Variants in QSER1 observed in about 807,000 individuals in gnomAD.
The protein encoded by QSER1 is glutamine and serine-rich protein 1.
Under a neutral mutation model 158.5 loss-of-function variants are expected in QSER1, and 49 were observed. The observed-to-expected ratio is 0.31, with a 90% CI of 0.25 to 0.39. The LOEUF is 0.39. Ranked by LOEUF, QSER1 falls within the 10% of genes least tolerant of loss-of-function variation. QSER1 has a pLI of 1.00. For synonymous variants in QSER1, 650 were observed against 715.5 expected (o/e 0.91, Z 1.46); for missense variants, 1,754 against 2,010.3 (o/e 0.87, Z 2.44).
At chr11:32,964,733 T>TACACACACACACACACAC (rs1246383757) in intron 8 of QSER1, among the ~76,000 whole-genome samples, 17 of 115,258 alleles carry the variant, frequency 1.5e-4, no homozygotes, top group Non-Finnish European at 2.9e-4. Flanking sequence ...TATATATATA[T>TACACACACACACACACAC]ATATATACAC....
chr11:32,894,481 C>T (rs1455286904), intron 1 of QSER1, among the ~76,000 whole-genome samples: 1 of 152,176 alleles, frequency 6.6e-6, no homozygotes, highest in African/African-American at 2.4e-5. Flanking sequence ...CATCAGATTT[C>T]TTCATTATTT....
At chr11:32,915,857 T>C (rs1319284460) in intron 1 of QSER1, among the ~76,000 whole-genome samples, 1 of 152,128 alleles carries the variant, frequency 6.6e-6, no homozygotes, top group South Asian at 2.1e-4. Context: ...CACCTTCTTT[T>C]GGTAGTGTTG....
rs1852107289 is a variant in QSER1 at position 32,934,444 on chromosome 11, A to T, written c.3186A>T (p.Val1062=). ...GNQVTVNLSP[V]PALQSKMTLD... Reference sequence around the variant, plus strand: ...AGGTTACTGTGAACCTTTCACCAGTACCTGCCCTTCAGTCAAAAATGACTC... The same window carrying T: ...AGGTTACTGTGAACCTTTCACCAGTTCCTGCCCTTCAGTCAAAAATGACTC... The change falls in exon 4 of 13, where the codon GTA becomes GTT. Residue 1062 remains valine (V), a synonymous_variant. Coordinates refer to ENST00000650167, the MANE Select transcript of QSER1 (RefSeq NM_001076786.3). 17 of 1,613,718 alleles carry T rather than the reference A, an allele frequency of 1.1e-5. No homozygotes were observed. Among genetic ancestry groups the T allele is most frequent in the Non-Finnish European group, 1.4e-5 (16 of 1,180,006 alleles).
At chr11:32,915,234 A>AT (rs201906310) in intron 1 of QSER1, among the ~76,000 whole-genome samples, 11 of 152,024 alleles carry the variant, frequency 7.2e-5, no homozygotes, top group South Asian at 2.1e-4. Context: ...GAAAATTATA[A>AT]TTTTTTTTTA....
chr11:32,913,716 G>C (rs1851799451), intron 1 of QSER1, among the ~76,000 whole-genome samples: 1 of 152,294 alleles, frequency 6.6e-6, no homozygotes, highest in Middle Eastern at 3.4e-3. Flanking sequence ...GCTAGTTGCT[G>C]CTGACCGTAT....
At chr11:32,941,493 G>C (rs1425520929) in intron 4 of QSER1, among the ~76,000 whole-genome samples, 1 of 148,806 alleles carries the variant, frequency 6.7e-6, no homozygotes, top group African/African-American at 2.5e-5. Context: ...TTGGTTTTTT[G>C]TTCTTGCGAT....
intron 1 of QSER1, among the ~76,000 whole-genome samples, chr11:32,912,419 T>G (rs1851778125): frequency 6.6e-6 from 1 of 152,166 alleles, no homozygotes; most frequent in Admixed American, 6.5e-5. Flanking sequence ...CCTTCTCTCT[T>G]TAAGGTTTGT....
intron 1 of QSER1, among the ~76,000 whole-genome samples, chr11:32,920,540 A>G (rs1167907586): frequency 6.6e-6 from 1 of 152,246 alleles, no homozygotes; most frequent in Non-Finnish European, 1.5e-5. Flanking sequence ...AAAATAAAAA[A>G]TTTTTGTGCT....
At chr11:32,962,963 G>A (rs1307954709) in intron 8 of QSER1, among the ~76,000 whole-genome samples, 2 of 152,162 alleles carry the variant, frequency 1.3e-5, no homozygotes, top group Non-Finnish European at 2.9e-5. Flanking sequence ...TTGGGGGAAA[G>A]AATGGCTAGT....
chr11:32,943,311 C>A, intron 4 of QSER1, among the ~76,000 whole-genome samples: 1 of 147,218 alleles, frequency 6.8e-6, no homozygotes, highest in Non-Finnish European at 1.5e-5. Context: ...TGTCTTGTGC[C>A]AGTTTTCAAA....
chr11:32,909,902 A>T (rs1447634467), intron 1 of QSER1, among the ~76,000 whole-genome samples: 1 of 152,066 alleles, frequency 6.6e-6, no homozygotes, highest in East Asian at 1.9e-4. Flanking sequence ...AAACTAAGGG[A>T]AGTTGTGTAG....
At chr11:32,945,138 G>A (rs1259033911) in intron 4 of QSER1, among the ~76,000 whole-genome samples, 5 of 128,042 alleles carry the variant, frequency 3.9e-5, no homozygotes, top group Non-Finnish European at 6.6e-5. Flanking sequence ...GTCTCTGCAC[G>A]TGAGATGGGT....
rs1037820444 is a variant in QSER1, at chr11:32,952,837, CTT to C, written c.4178-1017_4178-1016del. ...TTTTTTTTTCCTTGAGACAGAGTCT[CTT>C]TTGCCCACGCTGTAGTGCAGTGGCA... On this transcript the variant is annotated intron_variant, in intron 4 of 12. Transcript: ENST00000650167. Among the ~76,000 whole-genome samples, 11 of 127,844 alleles carry C rather than the reference CTT, an allele frequency of 8.6e-5. 1 individual carries two copies. The highest frequency in any genetic ancestry group is 3.3e-4 in the African/African-American group (11 of 33,756). 83.9% of individuals were successfully genotyped at this position (127,844 alleles called of 152,430 possible).
intron 1 of QSER1, among the ~76,000 whole-genome samples, chr11:32,899,350 T>G (rs1160444433): frequency 6.6e-6 from 1 of 152,136 alleles, no homozygotes; most frequent in Non-Finnish European, 1.5e-5. Flanking sequence ...AGATGAAGGG[T>G]AAGTTTGTGA....
chr11:32,938,238 C>T (rs1358017286), intron 4 of QSER1, among the ~76,000 whole-genome samples: 1 of 152,132 alleles, frequency 6.6e-6, no homozygotes, highest in Admixed American at 6.5e-5. Context: ...TGAGAGGACT[C>T]AGGGACATAA....
At chr11:32,918,520 A>G (rs747815658) in intron 1 of QSER1, among the ~76,000 whole-genome samples, 11 of 151,482 alleles carry the variant, frequency 7.3e-5, no homozygotes, top group Non-Finnish European at 1.5e-4. Flanking sequence ...GGAGTAAAAA[A>G]TAGGAGCTAA....
At chr11:32,974,236 C>T (rs750032882) in intron 11 of QSER1, among the ~76,000 whole-genome samples, 2 of 151,956 alleles carry the variant, frequency 1.3e-5, no homozygotes, top group Non-Finnish European at 2.9e-5. Context: ...GTCTTGGCAA[C>T]AAAGCAAGGC....
chr11:32,965,944 AACACAC>A (rs5790910), intron 8 of QSER1, among the ~76,000 whole-genome samples: 13,384 of 123,550 alleles, frequency 0.11, 816 homozygotes, highest in Non-Finnish European at 0.15. Flanking sequence ...TCTGTCTCAA[AACACAC>A]ACACACACAC....
At chr11:32,900,401 A>G (rs1459408339) in intron 1 of QSER1, among the ~76,000 whole-genome samples, 2 of 152,102 alleles carry the variant, frequency 1.3e-5, no homozygotes, top group African/African-American at 4.8e-5. Flanking sequence ...TCTACTAAAA[A>G]TACAAAAATC....
Sources: gnomAD v4.1 joint callset for allele counts (sites outside exome capture counted in the v4.1 genomes callset) on GRCh38, gnomAD v4.1.1 for gene constraint, MANE v1.5 for transcripts, NCBI Gene and HGNC (gene_info 2026-07-23, HGNC 2026-07-21) for gene names.